Variants in POLR3A observed in about 807,000 individuals in gnomAD.
POLR3A encodes RNA polymerase III subunit A.
In POLR3A, 112 loss-of-function variants were observed where a neutral mutation model predicts 152.8. The observed-to-expected ratio is 0.73, with a 90% CI of 0.63 to 0.86. The LOEUF is 0.86. Ranked by LOEUF, POLR3A falls within the 40% of genes least tolerant of loss-of-function variation. The probability of loss-of-function intolerance (pLI) is 0.00; values close to 1 mark genes in which losing one functional copy is unlikely to be tolerated. For synonymous variants in POLR3A, 615 were observed against 652.1 expected, an observed-to-expected ratio of 0.94 and a Z score of 0.87; for missense variants, 1,385 against 1,743.1, an observed-to-expected ratio of 0.79 and a Z score of 3.66.
chr10:77,977,133 T>C lies in POLR3A; in HGVS notation c.*345A>G. The C allele has an allele frequency of 2.9e-6, 1 of 341,740 alleles. No homozygotes were observed. Among genetic ancestry groups the C allele is most frequent in the Non-Finnish European group, 5.6e-6 (1 of 177,842 alleles). 21.2% of individuals were successfully genotyped at this position (341,740 alleles called of 1,614,324 possible). A position where few individuals can be genotyped will look rare whatever the true frequency, so the allele number is the denominator to read the frequency against. ...GTGTGAAGACACCATGGGGAGCCGA[T>C]GGATGTATGCAGTGAGCTGGGATGG... On this transcript the variant is annotated 3_prime_UTR_variant, in exon 31 of 31. Transcript: ENST00000372371.
At chr10:78,024,762 G>T in intron 4 of POLR3A, 59 bp from the exon 5 acceptor site, 1 of 1,494,098 alleles carries the variant, frequency 6.7e-7, no homozygotes, top group African/African-American at 1.4e-5. Context: ...ATTGGCCAGA[G>T]ATTGTAGTAT....
intron 7 of POLR3A, 31 bp downstream of exon 7, chr10:78,021,829 C>T: frequency 6.2e-7 from 1 of 1,612,794 alleles, no homozygotes; most frequent in Non-Finnish European, 8.5e-7. Flanking sequence ...AGAGAGTGGG[C>T]TGGCTTCTGC....
intron 18 of POLR3A, among the ~76,000 whole-genome samples, chr10:78,000,354 C>A (rs566701020): frequency 3.3e-5 from 5 of 152,266 alleles, no homozygotes; most frequent in African/African-American, 7.2e-5. Context: ...AGGCAAGTGG[C>A]CCAAGAGAGG....
chr10:77,980,356 A>C (rs936319181), intron 29 of POLR3A, 83 bp from the exon 30 acceptor site: 1 of 1,324,222 alleles, frequency 7.6e-7, no homozygotes, highest in Non-Finnish European at 1.1e-6. Flanking sequence ...CCTTCAATAC[A>C]ATCAACAAAA....
chr10:78,028,261 C>T (rs764591618), intron 1 of POLR3A, among the ~76,000 whole-genome samples: 1 of 152,166 alleles, frequency 6.6e-6, no homozygotes, highest in Non-Finnish European at 1.5e-5. Flanking sequence ...CTTCTGATCA[C>T]CTGTGTTCTC....
In POLR3A at chr10:78,005,983, C is replaced by T. The variant is rs141633895; in HGVS notation, c.2075-1095G>A. Among the ~76,000 whole-genome samples the T allele has an allele frequency of 4.0e-3, 605 of 152,060 alleles. 3 individuals are homozygous for T. The highest frequency in any genetic ancestry group is 0.012 in the African/African-American group (491 of 41,454). ...ATGAAAGACAAAAGACACAAATGCA[C>T]AGGAAAAAGAAAGTAAAAGGATACA... On this transcript the variant is annotated intron_variant, in intron 15 of 30. Coordinates refer to ENST00000372371, the MANE Select transcript of POLR3A (RefSeq NM_007055.4).
At chr10:78,013,504 T>C (rs1847486387) in intron 11 of POLR3A, 146 bp downstream of exon 11, 3 of 772,434 alleles carry the variant, frequency 3.9e-6, no homozygotes, top group Admixed American at 1.9e-5. Flanking sequence ...AAAAGAGAGA[T>C]ATATAGGCAG....
chr10:77,981,348 C>G, intron 29 of POLR3A, 80 bp downstream of exon 29: 1 of 1,373,944 alleles, frequency 7.3e-7, no homozygotes, highest in African/African-American at 1.4e-5. Flanking sequence ...TTCTACATGT[C>G]TTAGAAACTC....
In POLR3A at chr10:78,009,576, A is replaced by G. The variant is rs1847444311; in HGVS notation, c.1870T>C (p.Tyr624His). The stretch of plus-strand genomic sequence containing the variant: ...CAGAGATCTTCCCCTTTGCCACAGT[A>G]CTGCTTGCCCTTGGTTCGCAGGTTG... ...RANLRTKGKQ[Y>H]CGKGEDLCAN... Residue 624 changes from tyrosine to histidine, a missense_variant, in exon 14 of 31, where the codon TAC becomes CAC. By Grantham distance (83) the Tyr-to-His change is moderately conservative. Around this residue, in one of 7 missense-constraint regions of POLR3A, gnomAD observed 188 missense variants for 179.9 expected, o/e 1.04. Coordinates refer to ENST00000372371, the MANE Select transcript of POLR3A (RefSeq NM_007055.4). 1.2e-6 allele frequency: 2 copies of G among 1,613,952 alleles called. No homozygotes were observed. The highest frequency in any genetic ancestry group is 2.2e-5 in the East Asian group (1 of 44,880).
At chr10:77,981,709 C>A in intron 28 of POLR3A, 150 bp from the exon 29 acceptor site, 1 of 939,420 alleles carries the variant, frequency 1.1e-6, no homozygotes, top group Non-Finnish European at 1.7e-6. Context: ...TGCAGACCCA[C>A]GGCAAATGGG....
intron 12 of POLR3A, 43 bp from the exon 13 acceptor site, chr10:78,010,034 AT>A (rs1333768593): frequency 1.2e-6 from 2 of 1,610,726 alleles, no homozygotes; most frequent in Non-Finnish European, 8.5e-7. Context: ...AAGGAATGAA[AT>A]TGTGAGAATA....
intron 10 of POLR3A, among the ~76,000 whole-genome samples, chr10:78,015,695 G>A (rs979493497): frequency 1.3e-5 from 2 of 152,102 alleles, no homozygotes; most frequent in African/African-American, 4.8e-5. Flanking sequence ...TGTCTAGGCT[G>A]GAGTGCAGTG....
intron 16 of POLR3A, among the ~76,000 whole-genome samples, chr10:78,003,674 G>C (rs968759674): frequency 2.0e-5 from 3 of 152,104 alleles, no homozygotes; most frequent in Non-Finnish European, 2.9e-5. Context: ...TGTAATTCCA[G>C]CACTTTGGGA....
rs749416768 is a variant in POLR3A at position 78,004,728 on chromosome 10, C to G, written c.2235G>C (p.Glu745Asp). 3.2e-5 allele frequency: 52 copies of G among 1,613,234 alleles called. No individual in the cohort carries two copies. Among genetic ancestry groups the G allele is most frequent in the Non-Finnish European group, 6.8e-6 (8 of 1,179,906 alleles). The change falls in exon 16 of 31, where the codon GAG becomes GAC. Residue 745 changes from glutamate (E) to aspartate (D), a missense_variant. Glu to Asp is a conservative substitution (Grantham distance 45). Around this residue, in one of 7 missense-constraint regions of POLR3A, gnomAD observed 170 missense variants for 231.2 expected, o/e 0.74. Transcript: ENST00000372371. ...KLQQQPGCTA[E>D]ETLEALILKE... ...GGGCCGGGCTCACCTCCAGGGTCTC[C>G]TCAGCAGTGCAGCCAGGCTGCTGCT...
chr10:78,007,913 C>T (rs771680707), intron 14 of POLR3A, 47 bp from the exon 15 acceptor site: 1 of 1,483,442 alleles, frequency 6.7e-7, no homozygotes, highest in Admixed American at 1.7e-5. Flanking sequence ...TATTACTTTG[C>T]CTTATTCCAA....
At chr10:78,014,657 C>T (rs985581012) in intron 10 of POLR3A, among the ~76,000 whole-genome samples, 5 of 152,108 alleles carry the variant, frequency 3.3e-5, no homozygotes, top group African/African-American at 1.2e-4. Flanking sequence ...CCCACCTTGG[C>T]CTCCCAAAGT....
intron 29 of POLR3A, 57 bp downstream of exon 29, chr10:77,981,371 C>T: frequency 6.5e-7 from 1 of 1,535,018 alleles, no homozygotes; most frequent in South Asian, 1.1e-5. Context: ...CAGGCTTATT[C>T]TCCTGAAAGT....
At chr10:78,003,473 C>T (rs747636385) in intron 16 of POLR3A, among the ~76,000 whole-genome samples, 19 of 152,174 alleles carry the variant, frequency 1.2e-4, no homozygotes, top group Non-Finnish European at 7.3e-5. Flanking sequence ...GTTTCAGGTT[C>T]TCACAGGCTG....
chr10:77,997,214 G>C (rs934058501), intron 19 of POLR3A, among the ~76,000 whole-genome samples: 1 of 152,060 alleles, frequency 6.6e-6, no homozygotes, highest in African/African-American at 2.4e-5. Flanking sequence ...CATATTGAAT[G>C]GGCAAAAACT....
Sources: allele counts gnomAD v4.1 joint callset (sites outside exome capture counted in the v4.1 genomes callset), GRCh38; gene constraint gnomAD v4.1.1; regional missense constraint gnomAD v4.1.1; transcripts MANE v1.5; gene names NCBI Gene and HGNC (gene_info 2026-07-23, HGNC 2026-07-21).